Variants in KANSL1 observed in about 807,000 individuals in gnomAD.
KANSL1 encodes KAT8 regulatory NSL complex subunit 1, also known as MLL1/MLL complex subunit KANSL1.
KANSL1 carries 22 observed loss-of-function variants against 103.6 expected under a neutral mutation model. The observed-to-expected ratio is 0.21, with a 90% CI of 0.15 to 0.30. The LOEUF is 0.30. KANSL1 is among the 10% of genes least tolerant of loss of function. KANSL1 has a pLI of 1.00. For missense variants in KANSL1, 1,337 were observed against 1,399.8 expected (o/e 0.96, Z 0.72); for synonymous variants, 600 against 527.6 (o/e 1.14, Z -1.88).
intron 6 of KANSL1, among the ~76,000 whole-genome samples, chr17:46,059,445 C>A (rs1379602964): frequency 1.3e-5 from 2 of 151,672 alleles, no homozygotes; most frequent in Admixed American, 1.3e-4. Flanking sequence ...ATGGTGAAAC[C>A]CCGTCTCTAC....
intron 3 of KANSL1, among the ~76,000 whole-genome samples, chr17:46,084,957 A>T (rs2079111536): frequency 6.6e-6 from 1 of 152,210 alleles, no homozygotes; most frequent in East Asian, 1.9e-4. Flanking sequence ...CGTTGTATTC[A>T]ACAGATATTC....
chr17:46,109,719 C>T lies in KANSL1; in HGVS notation c.1290-15018G>A, dbSNP rs542157674. ...ATAACATTTTTAAAGTCTAGCATTC[C>T]ATTATAAGTGCTCAGTAAATGGGAA... is the stretch of plus-strand genomic sequence containing the variant. On this transcript the variant is annotated intron_variant, in intron 2 of 14. Coordinates refer to ENST00000432791, the MANE Select transcript of KANSL1 (RefSeq NM_015443.4). Among the ~76,000 whole-genome samples, 12 of 152,312 alleles carry T rather than the reference C, an allele frequency of 7.9e-5. No homozygotes were observed. In the South Asian group the frequency reaches 2.5e-3, roughly 32 times the overall value.
intron 6 of KANSL1, among the ~76,000 whole-genome samples, chr17:46,054,338 G>A (rs1249950767): frequency 1.3e-5 from 2 of 152,192 alleles, no homozygotes; most frequent in African/African-American, 4.8e-5. Context: ...ACAGGCGTGA[G>A]CCATCGCGAC....
At chr17:46,179,603 G>C (rs1346351375) in intron 1 of KANSL1, among the ~76,000 whole-genome samples, 3 of 152,228 alleles carry the variant, frequency 2.0e-5, no homozygotes, top group Non-Finnish European at 2.9e-5. Context: ...GATGATTAGG[G>C]AAGTGTCCAT....
At chr17:46,149,531 A>G (rs1273180775) in intron 2 of KANSL1, among the ~76,000 whole-genome samples, 1 of 152,252 alleles carries the variant, frequency 6.6e-6, no homozygotes, top group Non-Finnish European at 1.5e-5. Context: ...TATAGTACTA[A>G]AGCAGCCACA....
intron 2 of KANSL1, among the ~76,000 whole-genome samples, chr17:46,096,307 T>TTTCTTTCTTTC (rs2042064493): frequency 8.0e-6 from 1 of 124,704 alleles, no homozygotes. Flanking sequence ...CCTGGCTTTT[T>TTTCTTTCTTTC]TTTCTTTTTT....
rs765213873 is a variant in KANSL1 at position 46,171,614 on chromosome 17, T to G, written c.530A>C (p.Asn177Thr). The G allele has an allele frequency of 6.3e-7, 1 of 1,577,294 alleles. No homozygotes were observed. Among genetic ancestry groups the G allele is most frequent in the Non-Finnish European group, 8.6e-7 (1 of 1,165,272 alleles). ...HSDHDNSTSL[N>T]GGKRALTSSA... ...TGAAGTGAGAGCCCGTTTTCCCCCATTGAGGGAAGTGGAATTGTCATGATC... is the reference window on the plus strand; with the variant it reads ...TGAAGTGAGAGCCCGTTTTCCCCCAGTGAGGGAAGTGGAATTGTCATGATC... The change falls in exon 2 of 15, where the codon AAT becomes ACT. Residue 177 changes from asparagine (N) to threonine (T), a missense_variant. Physicochemically the swap from Asn to Thr is moderately conservative, Grantham distance 65. Around this residue, in one of 2 missense-constraint regions of KANSL1, gnomAD observed 557 missense variants for 476.4 expected, o/e 1.17. Coordinates refer to ENST00000432791, the MANE Select transcript of KANSL1 (RefSeq NM_015443.4).
rs866029585 is a variant in KANSL1, at chr17:46,130,761, T to C, written c.1290-36060A>G. ...ATCTCCAGCCAAGGAAATCTAGACA[T>C]AGAAGATAGAAAATAACATCCCAGT... On this transcript the variant is annotated intron_variant, in intron 2 of 14. Coordinates refer to ENST00000432791, the MANE Select transcript of KANSL1 (RefSeq NM_015443.4). Among the ~76,000 whole-genome samples, 68 of 152,246 alleles carry C rather than the reference T, an allele frequency of 4.5e-4. 1 individual carries two copies. The highest frequency in any genetic ancestry group is 1.6e-3 in the African/African-American group (66 of 41,532).
upstream of KANSL1, chr17:46,195,964 T>C (rs2047593654): frequency 6.3e-6 from 1 of 159,892 alleles, no homozygotes; most frequent in Non-Finnish European, 1.4e-5. Flanking sequence ...GAAAAAGGCC[T>C]GGTGCAGCAG....
chr17:46,212,486 T>C (rs1028299431), intron 1 of KANSL1, among the ~76,000 whole-genome samples: 1 of 152,224 alleles, frequency 6.6e-6, no homozygotes, highest in Non-Finnish European at 1.5e-5. Flanking sequence ...CCTGAAGTGC[T>C]GGAATTACGG....
intron 2 of KANSL1, among the ~76,000 whole-genome samples, chr17:46,144,581 C>T (rs2044597588): frequency 6.6e-6 from 1 of 152,172 alleles, no homozygotes; most frequent in Non-Finnish European, 1.5e-5. Context: ...CAGCTGTAGA[C>T]TGCCAGATAC....
rs897371944 is a variant in KANSL1, at chr17:46,082,390, A to G, written c.1533+51T>C. 6 of 1,213,686 alleles carry G rather than the reference A, an allele frequency of 4.9e-6. No homozygotes were observed. The East Asian group carries it at 1.2e-4, about 24-fold the overall frequency. 75.2% of individuals were successfully genotyped at this position (1,213,686 alleles called of 1,614,324 possible). A position where few individuals can be genotyped will look rare whatever the true frequency, so the allele number is the denominator to read the frequency against. Reference sequence around the variant, plus strand: ...TACAGAGAAAAAACGGTGTGCCAAGACAACACCCTTAATTCTCACGCATTT... The same window carrying G: ...TACAGAGAAAAAACGGTGTGCCAAGGCAACACCCTTAATTCTCACGCATTT... On this transcript the variant is annotated intron_variant, in intron 4 of 14. Transcript: ENST00000432791.
At chr17:46,153,876 T>C (rs572207432) in intron 2 of KANSL1, among the ~76,000 whole-genome samples, 3 of 152,340 alleles carry the variant, frequency 2.0e-5, no homozygotes, top group East Asian at 1.9e-4. Context: ...AGTGAAAAAG[T>C]TGAACAGCAC....
chr17:46,120,311 G>A (rs1040192688), intron 2 of KANSL1, among the ~76,000 whole-genome samples: 4 of 152,194 alleles, frequency 2.6e-5, no homozygotes, highest in African/African-American at 7.2e-5. Flanking sequence ...CCTGAAACAG[G>A]ACAGTTTCAG....
rs112992686 is a variant in KANSL1 at position 46,155,755 on chromosome 17, T to TA, written c.1289+15099dup. Among the ~76,000 whole-genome samples, 110 of 148,280 alleles carry TA rather than the reference T, an allele frequency of 7.4e-4. 1 individual carries two copies. The Middle Eastern group carries it at 0.014, about 19-fold the overall frequency. ...TAACACTCTAGTTCCTACAGTCTAT[T>TA]AAAAAAAAAAACTATTTAAAAGATA... On this transcript the variant is annotated intron_variant, in intron 2 of 14. Coordinates refer to ENST00000432791, the MANE Select transcript of KANSL1 (RefSeq NM_015443.4).
At chr17:46,194,613 A>G (rs1334298038), upstream of KANSL1, among the ~76,000 whole-genome samples, 1 of 152,254 alleles carries the variant, frequency 6.6e-6, no homozygotes, top group Non-Finnish European at 1.5e-5. Flanking sequence ...TTAAAAGACT[A>G]ATCTAGGATT....
intron 3 of KANSL1, chr17:46,093,856 AAC>A (rs1181408103): frequency 6.6e-6 from 1 of 152,264 alleles, no homozygotes; most frequent in Non-Finnish European, 1.5e-5. Context: ...GATTTTTGAG[AAC>A]ACTGCTGAGA....
intron 1 of KANSL1, among the ~76,000 whole-genome samples, chr17:46,220,189 AAAGG>A (rs2048481803): frequency 1.3e-5 from 2 of 152,242 alleles, no homozygotes; most frequent in Non-Finnish European, 2.9e-5. Flanking sequence ...AAAGAGAAGA[AAAGG>A]AAGGATTGAG....
At position 46,099,343 on chromosome 17, in the gene KANSL1, CA is replaced by C. The variant is rs371629378; in HGVS notation, c.1290-4643del. 1.5e-3 allele frequency among the ~76,000 whole-genome samples: 153 copies of C among 105,144 alleles called. 7 individuals carry two copies. Among genetic ancestry groups the C allele is most frequent in the African/African-American group, 3.5e-3 (124 of 35,036 alleles). The allele number at this position is 105,144 out of a possible 152,430, so 69.0% of individuals were successfully genotyped here. ...CGTCTCAAAAAAAAAAAAAACAAAA[CA>C]AAAAAAAAACAAATACAAGCTATAT... On this transcript the variant is annotated intron_variant, in intron 2 of 14. Coordinates refer to ENST00000432791, the MANE Select transcript of KANSL1 (RefSeq NM_015443.4).
Sources: allele counts gnomAD v4.1 joint callset (sites outside exome capture counted in the v4.1 genomes callset), GRCh38; gene constraint gnomAD v4.1.1; regional missense constraint gnomAD v4.1.1; transcripts MANE v1.5; gene names NCBI Gene and HGNC (gene_info 2026-07-23, HGNC 2026-07-21).